Variants in IDH3A observed in about 807,000 individuals in gnomAD.
IDH3A encodes the protein isocitrate dehydrogenase [NAD] subunit alpha, mitochondrial.
Under a neutral mutation model 43.3 loss-of-function variants are expected in IDH3A, and 23 were observed. The observed-to-expected ratio is 0.53, with a 90% CI of 0.38 to 0.75. The LOEUF (loss-of-function observed/expected upper bound fraction) is 0.75, where lower values mean the gene tolerates loss of function less well. IDH3A is among the 30% of genes least tolerant of loss of function. The pLI, the probability that IDH3A is intolerant of heterozygous loss-of-function variation, is 0.00. For missense variants in IDH3A, 329 were observed against 474.4 expected, an observed-to-expected ratio of 0.69 and a Z score of 2.85; for synonymous variants, 154 against 163.5, an observed-to-expected ratio of 0.94 and a Z score of 0.44.
chr15:78,163,013 G>T (rs7180781), intron 6 of IDH3A, among the ~76,000 whole-genome samples: 7,155 of 152,208 alleles, frequency 0.047, 288 homozygotes, highest in African/African-American at 0.11. Context: ...GCCACATAGC[G>T]TACGTTTTAG....
At chr15:78,159,631 G>A (rs1018169621) in intron 3 of IDH3A, among the ~76,000 whole-genome samples, 2 of 152,208 alleles carry the variant, frequency 1.3e-5, no homozygotes, top group African/African-American at 4.8e-5. Context: ...GCCTGCTAGA[G>A]AATGACATCT....
chr15:78,156,881 G>A (rs1161604322), intron 2 of IDH3A: 30 of 1,348,344 alleles, frequency 2.2e-5, no homozygotes, highest in Non-Finnish European at 2.7e-5. Context: ...CAGGTATGAT[G>A]ACATATACTA....
rs201115044 is a variant in IDH3A, at chr15:78,149,402, C to T, written c.-2C>T. The T allele has an allele frequency of 5.8e-4, 892 of 1,549,518 alleles. 4 individuals are homozygous for T. In the African/African-American group the frequency reaches 0.012, roughly 20 times the overall value. ...GTTGCTGCGGAGCCAGGAGGGGAAG[C>T]GATGGCTGGGCCCGCGTGGATCTCT... On this transcript the variant is annotated 5_prime_UTR_variant, in exon 1 of 11. Coordinates refer to ENST00000299518, the MANE Select transcript of IDH3A (RefSeq NM_005530.3).
At chr15:78,162,182 A>AC in intron 5 of IDH3A, 52 bp from the exon 6 acceptor site, 1 of 1,607,690 alleles carries the variant, frequency 6.2e-7, no homozygotes, top group Non-Finnish European at 8.5e-7. Context: ...TCTGTCTCCC[A>AC]CTGCGTTGCT....
intron 1 of IDH3A, chr15:78,154,830 T>C (rs117163326): frequency 6.3e-6 from 1 of 157,490 alleles, no homozygotes; most frequent in East Asian, 1.8e-4. Context: ...GTAATTTTCT[T>C]AGAATATATG....
intron 1 of IDH3A, among the ~76,000 whole-genome samples, chr15:78,150,262 A>G (rs2074563026): frequency 6.6e-6 from 1 of 152,198 alleles, no homozygotes; most frequent in Non-Finnish European, 1.5e-5. Flanking sequence ...GAATTTGCTC[A>G]AGGTCACACA....
At chr15:78,158,570 G>C (rs539907898) in intron 3 of IDH3A, among the ~76,000 whole-genome samples, 2 of 138,572 alleles carry the variant, frequency 1.4e-5, no homozygotes, top group East Asian at 4.2e-4. Context: ...TCTGCCTCCC[G>C]GGTTCAAGCG....
chr15:78,162,961 T>C (rs1437460383), intron 6 of IDH3A, among the ~76,000 whole-genome samples: 2 of 152,144 alleles, frequency 1.3e-5, no homozygotes, highest in African/African-American at 2.4e-5. Flanking sequence ...GGAAAGGAAA[T>C]TGGAGCCTCG....
In IDH3A at chr15:78,171,393, G is replaced by A. The variant is rs1487449344; in HGVS notation, c.*2388G>A. On this transcript the variant is annotated 3_prime_UTR_variant, in exon 11 of 11. Transcript: ENST00000299518. ...GAAGAGACCTGGGGCTCAGGAAGAG[G>A]CTCGGAACGCCTGCCCTCTATTCTA... 2.7e-6 allele frequency: 4 copies of A among 1,506,428 alleles called. No individual in the cohort carries two copies. The African/African-American group carries it at 4.1e-5, about 16-fold the overall frequency. 93.3% of individuals were successfully genotyped at this position (1,506,428 alleles called of 1,614,324 possible).
At chr15:78,166,362 C>A in intron 10 of IDH3A, 60 bp downstream of exon 10, 1 of 1,542,472 alleles carries the variant, frequency 6.5e-7, no homozygotes, top group Non-Finnish European at 9.0e-7. Context: ...TGTGTTTTAT[C>A]TGAGTGAAAG....
intron 1 of IDH3A, among the ~76,000 whole-genome samples, chr15:78,152,936 A>T (rs188142451): frequency 1.9e-3 from 286 of 151,410 alleles, no homozygotes; most frequent in African/African-American, 6.0e-3. Flanking sequence ...GTTTTTTTTT[A>T]AATTATTGAA....
intron 1 of IDH3A, among the ~76,000 whole-genome samples, chr15:78,152,324 C>T (rs1198835765): frequency 3.4e-5 from 5 of 146,890 alleles, no homozygotes; most frequent in African/African-American, 1.3e-4. Flanking sequence ...TCCCAAAGTG[C>T]TGGGATTACA....
At chr15:78,167,232 A>G (rs548915799) in intron 10 of IDH3A, among the ~76,000 whole-genome samples, 6 of 152,348 alleles carry the variant, frequency 3.9e-5, no homozygotes, top group Admixed American at 2.0e-4. Flanking sequence ...AAGTTTTTCT[A>G]TAACTCTTTG....
chr15:78,160,039 C>T (rs1426042971), intron 3 of IDH3A, 53 bp from the exon 4 acceptor site: 1 of 1,074,864 alleles, frequency 9.3e-7, no homozygotes, highest in African/African-American at 1.6e-5. Context: ...AGTATGAATG[C>T]CAGTTTCCTT....
At position 78,171,362 on chromosome 15, in the gene IDH3A, C is replaced by CA; in HGVS notation, c.*2358dup. 8.3e-7 allele frequency: 1 copy of CA among 1,201,772 alleles called. No individual in the cohort carries two copies. Among genetic ancestry groups the CA allele is most frequent in the South Asian group, 1.3e-5 (1 of 76,076 alleles). 74.4% of individuals were successfully genotyped at this position (1,201,772 alleles called of 1,614,324 possible). A position where few individuals can be genotyped will look rare whatever the true frequency, so the allele number is the denominator to read the frequency against. On this transcript the variant is annotated 3_prime_UTR_variant, in exon 11 of 11. Coordinates refer to ENST00000299518, the MANE Select transcript of IDH3A (RefSeq NM_005530.3). ...CAGACTTGGCAGAAATGCCTGTGCC[C>CA]AGACTGAAGAGACCTGGGGCTCAGG...
At chr15:78,150,674 A>G (rs776168427) in intron 1 of IDH3A, 2 of 152,240 alleles carry the variant, frequency 1.3e-5, no homozygotes, top group Non-Finnish European at 2.9e-5. Context: ...AAAATAATGT[A>G]TGTGAAAGCA....
In IDH3A at chr15:78,163,749, G is replaced by C. The variant is rs1375833120; in HGVS notation, c.748G>C (p.Val250Leu). The C allele has an allele frequency of 6.2e-7, 1 of 1,613,090 alleles. No homozygotes were observed. Among genetic ancestry groups the C allele is most frequent in the Non-Finnish European group, 8.5e-7 (1 of 1,179,252 alleles). Residue 250 changes from valine (V) to leucine (L), a missense_variant, in exon 8 of 11, where the codon GTT becomes CTT. Around this residue, in one of 3 missense-constraint regions of IDH3A, gnomAD observed 212 missense variants for 345.5 expected, o/e 0.61. Coordinates refer to ENST00000299518, the MANE Select transcript of IDH3A (RefSeq NM_005530.3). ...AGATCCTTCCCAATTTGATGTTCTT[G>C]TTATGCCAAATTTGTATGGAGACAT... ...VQDPSQFDVL[V>L]MPNLYGDILS... is the part of the protein sequence containing the mutation.
chr15:78,165,102 A>G, intron 9 of IDH3A, 26 bp downstream of exon 9: 1 of 1,439,956 alleles, frequency 6.9e-7, no homozygotes, highest in Non-Finnish European at 9.8e-7. Flanking sequence ...CCTGAAACAG[A>G]ACTCAGGTCA....
intron 2 of IDH3A, chr15:78,156,993 T>G: frequency 4.5e-6 from 6 of 1,339,224 alleles, no homozygotes; most frequent in Non-Finnish European, 5.9e-6. Context: ...GGAAGCTCTC[T>G]TGATAAAAAG....
Sources: gnomAD v4.1 joint callset for allele counts (sites outside exome capture counted in the v4.1 genomes callset) on GRCh38, gnomAD v4.1.1 for gene constraint, gnomAD v4.1.1 regional missense constraint, MANE v1.5 for transcripts, NCBI Gene and HGNC (gene_info 2026-07-23, HGNC 2026-07-21) for gene names.